Variants in CCDC91 observed in about 807,000 individuals in gnomAD.
CCDC91 encodes coiled-coil domain-containing protein 91.
CCDC91 carries 48 observed loss-of-function variants against 63.2 expected under a neutral mutation model. The observed-to-expected ratio is 0.76, with a 90% CI of 0.60 to 0.97. The LOEUF (loss-of-function observed/expected upper bound fraction) is 0.97. Ranked by LOEUF, CCDC91 falls within the 50% of genes least tolerant of loss-of-function variation. The probability of loss-of-function intolerance (pLI) is 0.00; values close to 1 mark genes in which losing one functional copy is unlikely to be tolerated. For missense variants in CCDC91, 500 were observed against 494.6 expected, an observed-to-expected ratio of 1.01 and a Z score of -0.10; for synonymous variants, 167 against 165.8, an observed-to-expected ratio of 1.01 and a Z score of -0.06.
intron 6 of CCDC91, among the ~76,000 whole-genome samples, chr12:28,330,063 C>T (rs1941366569): frequency 6.6e-6 from 1 of 152,140 alleles, no homozygotes. Flanking sequence ...GTGAATAGTG[C>T]TGCAGTAAAC....
intron 11 of CCDC91, among the ~76,000 whole-genome samples, chr12:28,476,170 ATTC>A (rs1429191390): frequency 1.3e-5 from 2 of 152,118 alleles, no homozygotes; most frequent in African/African-American, 4.8e-5. Context: ...CTAAATATAC[ATTC>A]TTCTCAGCAC....
At chr12:28,208,004 T>A (rs1942974937) in intron 1 of CCDC91, among the ~76,000 whole-genome samples, 1 of 152,224 alleles carries the variant, frequency 6.6e-6, no homozygotes, top group Non-Finnish European at 1.5e-5. Flanking sequence ...AGTATTTCCT[T>A]GGTATTTAAT....
At chr12:28,464,735 T>G (rs918089350) in intron 11 of CCDC91, among the ~76,000 whole-genome samples, 1 of 152,122 alleles carries the variant, frequency 6.6e-6, no homozygotes, top group Non-Finnish European at 1.5e-5. Flanking sequence ...CTCTGAGACT[T>G]GCTGGCTTCA....
chr12:28,509,557 C>A (rs1000044833), intron 12 of CCDC91, among the ~76,000 whole-genome samples: 3 of 151,746 alleles, frequency 2.0e-5, no homozygotes, highest in Non-Finnish European at 4.4e-5. Flanking sequence ...ACATGAGTGA[C>A]TTAAAGGGTT....
chr12:28,375,035 T>A (rs928780660), intron 7 of CCDC91, among the ~76,000 whole-genome samples: 1 of 152,036 alleles, frequency 6.6e-6, no homozygotes, highest in African/African-American at 2.4e-5. Context: ...AGTACTTCTG[T>A]TAGTAGAGCT....
chr12:28,247,278 A>G (rs1945802142), intron 1 of CCDC91, among the ~76,000 whole-genome samples: 1 of 152,134 alleles, frequency 6.6e-6, no homozygotes, highest in Non-Finnish European at 1.5e-5. Context: ...CAGGAGATTG[A>G]GACCATCCTG....
At chr12:28,248,420 AGT>A (rs1945906550) in intron 1 of CCDC91, among the ~76,000 whole-genome samples, 1 of 151,428 alleles carries the variant, frequency 6.6e-6, no homozygotes. Context: ...TAGTCCAGGG[AGT>A]GTATCTAAAG....
intron 3 of CCDC91, among the ~76,000 whole-genome samples, chr12:28,295,729 G>C (rs545263046): frequency 6.6e-6 from 1 of 151,998 alleles, no homozygotes; most frequent in Non-Finnish European, 1.5e-5. Flanking sequence ...ATGTTCTAAT[G>C]AGTTTAAAAA....
chr12:28,286,343 T>TTTCC (rs1409941143), intron 3 of CCDC91, among the ~76,000 whole-genome samples: 1 of 152,134 alleles, frequency 6.6e-6, no homozygotes, highest in African/African-American at 2.4e-5. Flanking sequence ...ATTAGTTATT[T>TTTCC]TTCCTGATCT....
At chr12:28,485,654 C>T (rs1566050081) in intron 12 of CCDC91, among the ~76,000 whole-genome samples, 1 of 152,140 alleles carries the variant, frequency 6.6e-6, no homozygotes, top group African/African-American at 2.4e-5. Context: ...GTACAGTTTA[C>T]CTCAGAGTGT....
chr12:28,370,648 T>C (rs1197500473), intron 7 of CCDC91, among the ~76,000 whole-genome samples: 1 of 152,204 alleles, frequency 6.6e-6, no homozygotes, highest in East Asian at 1.9e-4. Flanking sequence ...CCAGTACCAA[T>C]TTTTTGTATT....
At chr12:28,262,171 C>A (rs1329304542) in intron 3 of CCDC91, among the ~76,000 whole-genome samples, 1 of 151,984 alleles carries the variant, frequency 6.6e-6, no homozygotes. Context: ...CTTAAGAGAT[C>A]TAAGGCAGAT....
chr12:28,231,022 GT>G (rs1471747920), intron 1 of CCDC91, among the ~76,000 whole-genome samples: 1 of 152,178 alleles, frequency 6.6e-6, no homozygotes, highest in East Asian at 1.9e-4. Flanking sequence ...AGCCTTCTGT[GT>G]TTGAGTGTTT....
intron 6 of CCDC91, among the ~76,000 whole-genome samples, chr12:28,318,853 T>C (rs1940186908): frequency 6.6e-6 from 1 of 152,058 alleles, no homozygotes; most frequent in Non-Finnish European, 1.5e-5. Flanking sequence ...AGAATGTTTT[T>C]CTTCCGCCTT....
chr12:28,383,599 G>C (rs1398608950), intron 7 of CCDC91, among the ~76,000 whole-genome samples: 2 of 152,014 alleles, frequency 1.3e-5, no homozygotes, highest in African/African-American at 4.8e-5. Flanking sequence ...ACTTCTGCCT[G>C]GCTGGGCTGC....
At chr12:28,498,096 A>T (rs1452502469) in intron 12 of CCDC91, among the ~76,000 whole-genome samples, 1 of 151,646 alleles carries the variant, frequency 6.6e-6, no homozygotes, top group Non-Finnish European at 1.5e-5. Flanking sequence ...AACAACAAGA[A>T]CAACTTTACA....
chr12:28,209,412 T>G (rs1228766559), intron 1 of CCDC91, among the ~76,000 whole-genome samples: 1 of 152,222 alleles, frequency 6.6e-6, no homozygotes, highest in Admixed American at 6.5e-5. Context: ...AGAATTTCTT[T>G]AATAACGTTA....
chr12:28,256,576 T>C (rs1243309650), intron 1 of CCDC91: 4 of 152,160 alleles, frequency 2.6e-5, no homozygotes, highest in Non-Finnish European at 5.9e-5. Context: ...TTCTGGATAT[T>C]TATTTGTGTT....
At chr12:28,262,959 C>T (rs551201132) in intron 3 of CCDC91, among the ~76,000 whole-genome samples, 13 of 152,038 alleles carry the variant, frequency 8.6e-5, no homozygotes, top group Non-Finnish European at 1.9e-4. Context: ...TAACCCTCCA[C>T]ATTGCCTTCC....
Sources: allele counts gnomAD v4.1 joint callset (sites outside exome capture counted in the v4.1 genomes callset), GRCh38; gene constraint gnomAD v4.1.1; transcripts MANE v1.5; gene names NCBI Gene and HGNC (gene_info 2026-07-23, HGNC 2026-07-21).